The following CFAP61 variants were observed in gnomAD, a reference collection of about 807,000 sequenced individuals.
CFAP61 encodes cilia- and flagella-associated protein 61.
A neutral mutation model predicts 135.6 loss-of-function variants in CFAP61; 107 were observed. The ratio of observed to expected loss-of-function variants is 0.79; its 90% CI spans 0.67 to 0.93. The LOEUF is 0.93. CFAP61 is among the 40% of genes least tolerant of loss of function. CFAP61 has a pLI of 0.00. For synonymous variants in CFAP61, 575 were observed against 578.5 expected (o/e 0.99, Z 0.09); for missense variants, 1,507 against 1,556.2 (o/e 0.97, Z 0.53).
intron 11 of CFAP61, among the ~76,000 whole-genome samples, chr20:20,165,211 C>T (rs2053728656): frequency 6.6e-6 from 1 of 152,162 alleles, no homozygotes; most frequent in Admixed American, 6.5e-5. Context: ...GTGAGAAGGA[C>T]TTGCCGGGAT....
intron 24 of CFAP61, among the ~76,000 whole-genome samples, chr20:20,293,604 T>C (rs1031276082): frequency 2.0e-5 from 3 of 152,218 alleles, no homozygotes; most frequent in Non-Finnish European, 4.4e-5. Context: ...TTACTATTCA[T>C]ACACTAGATA....
intron 8 of CFAP61, among the ~76,000 whole-genome samples, chr20:20,136,132 G>GT (rs1005905661): frequency 7.3e-5 from 11 of 150,598 alleles, no homozygotes; most frequent in South Asian, 2.1e-4. Flanking sequence ...TGTATTATTT[G>GT]TTTTTTTTTC....
chr20:20,114,800 G>A (rs2049025108), intron 8 of CFAP61, among the ~76,000 whole-genome samples: 1 of 152,026 alleles, frequency 6.6e-6, no homozygotes, highest in Non-Finnish European at 1.5e-5. Context: ...GCATCCTTTT[G>A]TTGATCTCAG....
chr20:20,072,756 G>A (rs1437627433), intron 3 of CFAP61, among the ~76,000 whole-genome samples: 1 of 152,070 alleles, frequency 6.6e-6, no homozygotes, highest in Non-Finnish European at 1.5e-5. Context: ...GAATTGAGGT[G>A]TTCCATAAGT....
chr20:20,109,822 C>G (rs1048434948), intron 8 of CFAP61, among the ~76,000 whole-genome samples: 108 of 152,114 alleles, frequency 7.1e-4, no homozygotes, highest in Non-Finnish European at 2.6e-4. Context: ...TTATTAATAT[C>G]TGCTTTCATT....
At chr20:20,259,397 A>G (rs1473099901) in intron 20 of CFAP61, among the ~76,000 whole-genome samples, 1 of 150,524 alleles carries the variant, frequency 6.6e-6, no homozygotes, top group East Asian at 1.9e-4. Flanking sequence ...GGGACTATAC[A>G]GGTACATGCC....
intron 4 of CFAP61, 28 bp from the exon 5 acceptor site, chr20:20,075,161 A>T (rs779099599): frequency 6.2e-7 from 1 of 1,610,024 alleles, no homozygotes; most frequent in Non-Finnish European, 8.5e-7. Context: ...TGTTAGTAAC[A>T]CTGCCCCACC....
intron 20 of CFAP61, among the ~76,000 whole-genome samples, chr20:20,257,076 TAA>T: frequency 2.6e-5 from 4 of 152,198 alleles, no homozygotes; most frequent in Admixed American, 2.6e-4. Flanking sequence ...CCTTTCTCCC[TAA>T]AAAAGAATAA....
At chr20:20,294,453 A>G (rs2055242391) in intron 24 of CFAP61, among the ~76,000 whole-genome samples, 2 of 152,146 alleles carry the variant, frequency 1.3e-5, no homozygotes, top group Admixed American at 1.3e-4. Context: ...ATCTCCTTCA[A>G]ATGGACACTG....
At chr20:20,239,071 G>A (rs1275265363) in intron 18 of CFAP61, among the ~76,000 whole-genome samples, 2 of 151,846 alleles carry the variant, frequency 1.3e-5, no homozygotes, top group Non-Finnish European at 2.9e-5. Flanking sequence ...AGCTTTATCT[G>A]TGGTTCTGCT....
chr20:20,090,688 C>CA (rs138798717), intron 6 of CFAP61, among the ~76,000 whole-genome samples, 156 bp from the exon 7 acceptor site: 234 of 102,836 alleles, frequency 2.3e-3, no homozygotes, highest in Non-Finnish European at 3.2e-3. Flanking sequence ...GACTCCCTCT[C>CA]AAAAAAAAAA....
chr20:20,312,609 A>T, intron 25 of CFAP61, among the ~76,000 whole-genome samples: 1 of 151,884 alleles, frequency 6.6e-6, no homozygotes, highest in Admixed American at 6.5e-5. Context: ...GTGAATCTCA[A>T]GCATAAAAAA....
At chr20:20,080,474 AT>A (rs1451866103) in intron 6 of CFAP61, among the ~76,000 whole-genome samples, 1 of 152,248 alleles carries the variant, frequency 6.6e-6, no homozygotes, top group African/African-American at 2.4e-5. Context: ...TCTATAAAAA[AT>A]AATACTGTAG....
rs574235936 is a variant in CFAP61, at chr20:20,193,293, C to T, written c.1590+1874C>T. ...GTGGCTGTAGGTTTCTGATAGATAT[C>T]CCTTATCAAGTAAGGGAAATTTTCT... On this transcript the variant is annotated intron_variant, in intron 15 of 26. Coordinates refer to ENST00000245957, the MANE Select transcript of CFAP61 (RefSeq NM_015585.4). Among the ~76,000 whole-genome samples the T allele has an allele frequency of 7.2e-5, 11 of 152,174 alleles. No homozygotes were observed. In the South Asian group the frequency reaches 2.3e-3, roughly 32 times the overall value.
At chr20:20,249,161 C>T (rs1209676816) in intron 19 of CFAP61, among the ~76,000 whole-genome samples, 1 of 152,038 alleles carries the variant, frequency 6.6e-6, no homozygotes. Context: ...TTACAGTCTT[C>T]GATATATAGT....
intron 8 of CFAP61, among the ~76,000 whole-genome samples, chr20:20,112,493 T>A (rs186640510): frequency 1.3e-5 from 2 of 152,146 alleles, no homozygotes; most frequent in Non-Finnish European, 2.9e-5. Context: ...ATTTTTGATA[T>A]CTCTTTTTTT....
At chr20:20,145,146 T>C (rs1210188049) in intron 9 of CFAP61, among the ~76,000 whole-genome samples, 1 of 152,174 alleles carries the variant, frequency 6.6e-6, no homozygotes, top group Non-Finnish European at 1.5e-5. Context: ...ATTTTATCCT[T>C]AATATTTATA....
At chr20:20,160,669 G>A (rs1175651017) in intron 10 of CFAP61, among the ~76,000 whole-genome samples, 1 of 152,200 alleles carries the variant, frequency 6.6e-6, no homozygotes, top group African/African-American at 2.4e-5. Flanking sequence ...GAGAAAGCAC[G>A]ATGTAGGCAC....
At chr20:20,103,141 G>A (rs2048141109) in intron 8 of CFAP61, among the ~76,000 whole-genome samples, 1 of 151,984 alleles carries the variant, frequency 6.6e-6, no homozygotes. Context: ...GTGCTTTTCA[G>A]GATCTATTTT....
Sources: gnomAD v4.1 joint callset for allele counts (sites outside exome capture counted in the v4.1 genomes callset) on GRCh38, gnomAD v4.1.1 for gene constraint, MANE v1.5 for transcripts, NCBI Gene and HGNC (gene_info 2026-07-23, HGNC 2026-07-21) for gene names.